Variants in CAMTA1 observed in about 807,000 individuals in gnomAD.
The protein encoded by CAMTA1 is calmodulin binding transcription activator 1, also known as calmodulin-binding transcription activator 1.
CAMTA1 carries 27 observed loss-of-function variants against 170.9 expected under a neutral mutation model. The observed-to-expected ratio is 0.16, with a 90% CI of 0.12 to 0.22. The LOEUF is 0.22. CAMTA1 is among the 10% of genes least tolerant of loss of function. The pLI is 1.00. For synonymous variants in CAMTA1, 833 were observed against 891.5 expected (o/e 0.93, Z 1.17); for missense variants, 1,619 against 2,217.2 (o/e 0.73, Z 5.42).
At chr1:7,616,281 C>T (rs1486311922) in intron 6 of CAMTA1, among the ~76,000 whole-genome samples, 1 of 152,224 alleles carries the variant, frequency 6.6e-6, no homozygotes, top group Non-Finnish European at 1.5e-5. Flanking sequence ...TTATGTAAAC[C>T]TTGAGAGCAC....
chr1:7,664,055 T>C lies in CAMTA1; in HGVS notation c.1508T>C (p.Leu503Pro). Reference sequence around the variant, plus strand: ...GGCCAGACGTACGGGGGTGGAGGCCTGAAAGCCGAGATGGTCAGCTCCAAC... The same window carrying C: ...GGCCAGACGTACGGGGGTGGAGGCCCGAAAGCCGAGATGGTCAGCTCCAAC... ...KQGQTYGGGG[L>P]KAEMVSSNIR... The change falls in exon 9 of 23, where the codon CTG becomes CCG. Residue 503 changes from leucine to proline, a missense_variant. Physicochemically the swap from Leu to Pro is moderately conservative, Grantham distance 98 (BLOSUM62 -3). Coordinates refer to ENST00000303635, the MANE Select transcript of CAMTA1 (RefSeq NM_015215.4). 6.2e-7 allele frequency: 1 copy of C among 1,613,798 alleles called. No individual in the cohort carries two copies. The highest frequency in any genetic ancestry group is 8.5e-7 in the Non-Finnish European group (1 of 1,180,040).
chr1:7,605,812 G>A (rs2095481717), intron 6 of CAMTA1, among the ~76,000 whole-genome samples: 1 of 152,110 alleles, frequency 6.6e-6, no homozygotes. Context: ...GTTCCTATTT[G>A]GTCATCTTGG....
chr1:7,154,349 G>A (rs910196483), intron 4 of CAMTA1, among the ~76,000 whole-genome samples: 1 of 152,102 alleles, frequency 6.6e-6, no homozygotes, highest in African/African-American at 2.4e-5. Flanking sequence ...TAAATGAGGG[G>A]TGCATCAGTG....
At chr1:6,941,908 G>A (rs1313634588) in intron 3 of CAMTA1, among the ~76,000 whole-genome samples, 1 of 152,160 alleles carries the variant, frequency 6.6e-6, no homozygotes, top group Admixed American at 6.5e-5. Flanking sequence ...CCTTGGCTTG[G>A]TAAATGCAGC....
At chr1:7,574,844 T>A (rs752620894) in intron 6 of CAMTA1, among the ~76,000 whole-genome samples, 8 of 152,146 alleles carry the variant, frequency 5.3e-5, no homozygotes, top group Non-Finnish European at 1.0e-4. Flanking sequence ...CCAGTTTCAT[T>A]TTGCAGGCCC....
rs1708755332 is a variant in CAMTA1 at position 7,064,809 on chromosome 1, G to T, written c.235-26495G>T. Among the ~76,000 whole-genome samples, 1 of 152,130 alleles carries T rather than the reference G, an allele frequency of 6.6e-6. No homozygotes were observed. Among genetic ancestry groups the T allele is most frequent in the African/African-American group, 2.4e-5 (1 of 41,418 alleles). On this transcript the variant is annotated intron_variant, in intron 3 of 22. Transcript: ENST00000303635. The surrounding 1 kb of genome is among the most constrained non-coding windows in gnomAD (Gnocchi z 5.4). ...CTGTAGGAGGACAGAGGAGTCCATG[G>T]ATGTATTCTGAGGTCCTGTTGGTCT...
chr1:7,718,853 C>CCTT (rs371449043), intron 11 of CAMTA1, among the ~76,000 whole-genome samples: 1 of 134,560 alleles, frequency 7.4e-6, no homozygotes. Context: ...CCGGTCAGCC[C>CCTT]TTTTTTTTTT....
chr1:6,975,765 G>A (rs960632647), intron 3 of CAMTA1, among the ~76,000 whole-genome samples: 1 of 152,148 alleles, frequency 6.6e-6, no homozygotes, highest in South Asian at 2.1e-4. Context: ...CATTTTAATC[G>A]CCCCAAAAGG....
chr1:7,488,056 C>CAGTCTCTCTGGAATCTTGCTAG (rs1553179084), intron 6 of CAMTA1, among the ~76,000 whole-genome samples: 2 of 152,318 alleles, frequency 1.3e-5, no homozygotes, highest in Admixed American at 1.3e-4. Flanking sequence ...CTACTCTCTG[C>CAGTCTCTCTGGAATCTTGCTAG]AGTCTCTCTG....
intron 3 of CAMTA1, among the ~76,000 whole-genome samples, chr1:7,037,846 A>C (rs903567384): frequency 6.6e-6 from 1 of 152,014 alleles, no homozygotes; most frequent in African/African-American, 2.4e-5. Flanking sequence ...TCAAAAAAAA[A>C]AAAATGCAGC....
chr1:7,200,018 C>T (rs77519647), intron 4 of CAMTA1, among the ~76,000 whole-genome samples: 12,623 of 152,178 alleles, frequency 0.083, 1,621 homozygotes, highest in African/African-American at 0.28. Context: ...GTACTGCAAG[C>T]ATGCTTTTTT....
chr1:7,507,447 C>A (rs1388605000), intron 6 of CAMTA1, among the ~76,000 whole-genome samples: 1 of 152,154 alleles, frequency 6.6e-6, no homozygotes, highest in East Asian at 1.9e-4. Context: ...CTCCCCCAAG[C>A]AGCTCTTGGC....
At position 7,545,148 on chromosome 1, in the gene CAMTA1, T is replaced by C. The variant is rs76178886; in HGVS notation, c.510+77247T>C. ...ACTTGCTTATGCCGTTATTTTTGTTTCTTCTTTGAATTTCCAATTCTCCCT... is the reference window on the plus strand; with the variant it reads ...ACTTGCTTATGCCGTTATTTTTGTTCCTTCTTTGAATTTCCAATTCTCCCT... On this transcript the variant is annotated intron_variant, in intron 6 of 22. Coordinates refer to ENST00000303635, the MANE Select transcript of CAMTA1 (RefSeq NM_015215.4). Among the ~76,000 whole-genome samples the C allele has an allele frequency of 4.5e-4, 68 of 152,378 alleles. 1 individual carries two copies. Among genetic ancestry groups the C allele is most frequent in the Non-Finnish European group, 7.6e-4 (52 of 68,042 alleles).
At chr1:7,062,304 T>C (rs1358462177) in intron 3 of CAMTA1, among the ~76,000 whole-genome samples, 1 of 152,192 alleles carries the variant, frequency 6.6e-6, no homozygotes, top group Non-Finnish European at 1.5e-5. Context: ...ATAGATAATA[T>C]TGTGTCATGA....
chr1:7,299,803 TG>T lies in CAMTA1; in HGVS notation c.438+50178del. Among the ~76,000 whole-genome samples the T allele has an allele frequency of 6.6e-6, 1 of 152,306 alleles. No individual in the cohort carries two copies. The highest frequency in any genetic ancestry group is 3.4e-3 in the Middle Eastern group (1 of 294). Reference sequence around the variant, plus strand: ...TGGTTTGTGTCATTTTGCTTTGAAATGTAAGTTGACTTCTGATCAGGGCAGA... The same window carrying T: ...TGGTTTGTGTCATTTTGCTTTGAAATTAAGTTGACTTCTGATCAGGGCAGA... On this transcript the variant is annotated intron_variant, in intron 5 of 22. Transcript: ENST00000303635. This position sits in a 1 kb window ranked among gnomAD's most constrained non-coding sequence, Gnocchi z 4.7.
At chr1:7,123,523 C>T (rs1558132990) in intron 4 of CAMTA1, among the ~76,000 whole-genome samples, 1 of 152,178 alleles carries the variant, frequency 6.6e-6, no homozygotes. Context: ...TGCCCCTGCC[C>T]TCTCCACACC....
chr1:7,403,905 C>T (rs1480991884), intron 5 of CAMTA1, among the ~76,000 whole-genome samples: 1 of 152,144 alleles, frequency 6.6e-6, no homozygotes, highest in East Asian at 1.9e-4. Flanking sequence ...AGGAGCTTCC[C>T]CAAGGTCTCT....
At chr1:6,789,804 CTTTT>C (rs34542033) in intron 1 of CAMTA1, among the ~76,000 whole-genome samples, 2 of 85,662 alleles carry the variant, frequency 2.3e-5, no homozygotes, top group African/African-American at 5.2e-5. Context: ...TTTAGTGTAT[CTTTT>C]TTTTTTTTTT....
chr1:6,829,502 C>T (rs1431728630), intron 3 of CAMTA1, among the ~76,000 whole-genome samples: 1 of 152,202 alleles, frequency 6.6e-6, no homozygotes, highest in Admixed American at 6.5e-5. Context: ...AAAGATGACA[C>T]AAGGAGTGAA....
Sources: gnomAD v4.1 joint callset for allele counts (sites outside exome capture counted in the v4.1 genomes callset) on GRCh38, gnomAD v4.1.1 for gene constraint, Gnocchi (gnomAD v3.1) non-coding constraint, MANE v1.5 for transcripts, NCBI Gene and HGNC (gene_info 2026-07-23, HGNC 2026-07-21) for gene names.